The following ALK variants were observed in gnomAD, a reference collection of about 807,000 sequenced individuals.
ALK encodes the protein ALK tyrosine kinase receptor.
Under a neutral mutation model 163.1 loss-of-function variants are expected in ALK, and 74 were observed. The observed-to-expected ratio is 0.45, with a 90% CI of 0.38 to 0.55. The LOEUF is 0.55. Among genes scored for constraint, ALK ranks in the 20% least tolerant of loss-of-function variants. The probability of loss-of-function intolerance (pLI) is 0.00; values close to 1 mark genes in which losing one functional copy is unlikely to be tolerated. For synonymous variants in ALK, 960 were observed against 843.2 expected (o/e 1.14, Z -2.40); for missense variants, 2,063 against 2,105.3 (o/e 0.98, Z 0.39).
chr2:29,523,727 C>T (rs368661124), intron 4 of ALK, among the ~76,000 whole-genome samples: 1 of 152,140 alleles, frequency 6.6e-6, no homozygotes, highest in South Asian at 2.1e-4. Flanking sequence ...TCACAGTTCT[C>T]TCATCGTCCT....
chr2:29,813,757 GT>G (rs999388840), intron 1 of ALK, among the ~76,000 whole-genome samples: 23 of 152,112 alleles, frequency 1.5e-4, no homozygotes, highest in Non-Finnish European at 2.1e-4. Flanking sequence ...AACTCAGTCT[GT>G]TCTCCTTGTG....
intron 3 of ALK, among the ~76,000 whole-genome samples, chr2:29,546,107 T>G (rs1382726197): frequency 6.6e-6 from 1 of 152,234 alleles, no homozygotes; most frequent in East Asian, 1.9e-4. Context: ...TGTATATGTA[T>G]GTCTATGTGT....
intron 12 of ALK, among the ~76,000 whole-genome samples, chr2:29,245,586 G>A (rs1664646890): frequency 7.1e-6 from 1 of 140,606 alleles, no homozygotes; most frequent in Non-Finnish European, 1.5e-5. Flanking sequence ...GCACACAGCA[G>A]GGCTCCATGG....
intron 3 of ALK, among the ~76,000 whole-genome samples, chr2:29,584,452 T>C (rs1002601649): frequency 1.8e-4 from 28 of 152,334 alleles, no homozygotes; most frequent in African/African-American, 6.5e-4. Flanking sequence ...TAACATACCC[T>C]GTGACTCTCA....
At chr2:29,686,336 C>T (rs921985569) in intron 3 of ALK, among the ~76,000 whole-genome samples, 4 of 152,160 alleles carry the variant, frequency 2.6e-5, no homozygotes, top group African/African-American at 7.2e-5. Context: ...CTCTGTGGTA[C>T]AAAGTGTGAC....
At position 29,920,202 on chromosome 2, in the gene ALK, C is replaced by T; in HGVS notation, c.458G>A (p.Gly153Asp). 3.1e-6 allele frequency: 5 copies of T among 1,613,452 alleles called. No individual in the cohort carries two copies. In the South Asian group the frequency reaches 4.4e-5, roughly 14 times the overall value. ...CGCCTCCCCGGGGGGCCCGACGCAA[C>T]CCTCCAAGATCGCCTCCTCGCCCAG... ...LELGEEAILE[G>D]CVGPPGEAAV... The change falls in exon 1 of 29, where the codon GGT (glycine) becomes GAT (aspartate). Residue 153 changes from glycine (G) to aspartate (D), a missense_variant. Physicochemically the swap from Gly to Asp is moderately conservative, Grantham distance 94. Coordinates refer to ENST00000389048, the MANE Select transcript of ALK (RefSeq NM_004304.5).
At chr2:29,854,256 G>T (rs1476595279) in intron 1 of ALK, among the ~76,000 whole-genome samples, 1 of 152,100 alleles carries the variant, frequency 6.6e-6, no homozygotes, top group Non-Finnish European at 1.5e-5. Context: ...ATATCATTTG[G>T]ATGTTTGTCC....
chr2:29,625,892 A>G (rs1676180296), intron 3 of ALK, among the ~76,000 whole-genome samples: 1 of 152,238 alleles, frequency 6.6e-6, no homozygotes, highest in Non-Finnish European at 1.5e-5. Context: ...GCCAAGGCAG[A>G]CATCCACTGA....
At chr2:29,545,592 C>T (rs1486265090) in intron 3 of ALK, among the ~76,000 whole-genome samples, 3 of 152,156 alleles carry the variant, frequency 2.0e-5, no homozygotes, top group African/African-American at 7.2e-5. Context: ...TGCCTGGCTT[C>T]CATAGCAGAG....
chr2:29,774,870 CA>C (rs1681128523), intron 1 of ALK, among the ~76,000 whole-genome samples: 1 of 152,098 alleles, frequency 6.6e-6, no homozygotes, highest in South Asian at 2.1e-4. Flanking sequence ...GTAGCTGAAA[CA>C]AACTTCACCG....
intron 1 of ALK, among the ~76,000 whole-genome samples, chr2:29,885,743 T>C (rs527345513): frequency 2.0e-5 from 3 of 152,226 alleles, no homozygotes; most frequent in South Asian, 2.1e-4. Context: ...AGAAAACAAA[T>C]TGACAGTAGA....
At chr2:29,619,611 G>A (rs553580411) in intron 3 of ALK, among the ~76,000 whole-genome samples, 2 of 152,308 alleles carry the variant, frequency 1.3e-5, no homozygotes, top group African/African-American at 2.4e-5. Flanking sequence ...GGAACACCCT[G>A]ACTTACACGG....
chr2:29,213,948 C>T (rs2148159139), intron 24 of ALK, 36 bp downstream of exon 24: 1 of 1,563,594 alleles, frequency 6.4e-7, no homozygotes, highest in Non-Finnish European at 8.8e-7. Context: ...AGATCAGCGA[C>T]AGGATGACAG....
At chr2:29,820,459 G>A (rs557677225) in intron 1 of ALK, among the ~76,000 whole-genome samples, 5 of 152,214 alleles carry the variant, frequency 3.3e-5, no homozygotes, top group Non-Finnish European at 5.9e-5. Context: ...TAATGTCACA[G>A]ATGTTGCTGT....
rs184453101 is a variant in ALK at position 29,474,488 on chromosome 2, A to T, written c.1154+57427T>A. Among the ~76,000 whole-genome samples, 376 of 152,322 alleles carry T rather than the reference A, an allele frequency of 2.5e-3. 3 individuals are homozygous for T. The highest frequency in any genetic ancestry group is 8.6e-3 in the African/African-American group (359 of 41,572). On this transcript the variant is annotated intron_variant, in intron 4 of 28. Transcript: ENST00000389048. ...TGCTCTATAACATAAAGCTAGCTTA[A>T]AAAAAGGAAAAATAGCAACGACGGC...
intron 3 of ALK, among the ~76,000 whole-genome samples, chr2:29,672,794 CA>C: frequency 6.7e-6 from 1 of 148,510 alleles, no homozygotes; most frequent in Non-Finnish European, 1.5e-5. Flanking sequence ...GTCCCACCAA[CA>C]GTGTAAAAGT....
chr2:29,672,054 C>T (rs1391478295), intron 3 of ALK, among the ~76,000 whole-genome samples: 21 of 142,426 alleles, frequency 1.5e-4, no homozygotes, highest in East Asian at 4.1e-4. Flanking sequence ...AGGACATTTT[C>T]TTTTTTTTTT....
At chr2:29,808,189 C>A (rs1006627470) in intron 1 of ALK, among the ~76,000 whole-genome samples, 1 of 152,134 alleles carries the variant, frequency 6.6e-6, no homozygotes, top group African/African-American at 2.4e-5. Flanking sequence ...ACAAGTTACA[C>A]AAAGAGGACA....
chr2:29,590,878 T>C (rs1675033905), intron 3 of ALK, among the ~76,000 whole-genome samples: 1 of 151,646 alleles, frequency 6.6e-6, no homozygotes, highest in African/African-American at 2.4e-5. Flanking sequence ...GAGACCATCT[T>C]GGCTAACACG....
Sources: allele counts gnomAD v4.1 joint callset (sites outside exome capture counted in the v4.1 genomes callset), GRCh38; gene constraint gnomAD v4.1.1; transcripts MANE v1.5; gene names NCBI Gene and HGNC (gene_info 2026-07-23, HGNC 2026-07-21).